LRMDA: variants seen among roughly 807,000 people sequenced by gnomAD.
LRMDA encodes the protein leucine-rich melanocyte differentiation-associated protein.
LRMDA carries 18 observed loss-of-function variants against 29.8 expected under a neutral mutation model. The observed-to-expected ratio is 0.60, with a 90% CI of 0.42 to 0.90. LRMDA has a LOEUF of 0.90. Among genes scored for constraint, LRMDA ranks in the 40% least tolerant of loss-of-function variants. The pLI is 0.00. For missense variants in LRMDA, 273 were observed against 273.9 expected (o/e 1.00, Z 0.02); for synonymous variants, 125 against 109.4 (o/e 1.14, Z -0.89).
chr10:75,803,185 C>T (rs1365129299), intron 2 of LRMDA, among the ~76,000 whole-genome samples: 2 of 152,138 alleles, frequency 1.3e-5, no homozygotes, highest in African/African-American at 4.8e-5. Flanking sequence ...AGCCCAGCCT[C>T]AGCCCCACAA....
chr10:76,444,289 T>A (rs1248179879), intron 6 of LRMDA, among the ~76,000 whole-genome samples: 1 of 152,106 alleles, frequency 6.6e-6, no homozygotes, highest in African/African-American at 2.4e-5. Context: ...CCACCCAGGC[T>A]CAGCCCAGCA....
intron 2 of LRMDA, among the ~76,000 whole-genome samples, chr10:75,733,560 A>C (rs1842724724): frequency 6.6e-6 from 1 of 152,158 alleles, no homozygotes; most frequent in Non-Finnish European, 1.5e-5. Flanking sequence ...CACAGAGCAA[A>C]CAAAAATGAG....
intron 2 of LRMDA, among the ~76,000 whole-genome samples, chr10:75,974,906 A>G (rs9415143): frequency 0.23 from 34,953 of 152,192 alleles, 4,541 homozygotes; most frequent in South Asian, 0.42. Context: ...AGCTGCTGAT[A>G]ATAATGATGC....
intron 2 of LRMDA, among the ~76,000 whole-genome samples, chr10:76,014,128 A>ATATATATATATAAAAAAT (rs1554840720): frequency 2.1e-5 from 2 of 94,886 alleles, no homozygotes; most frequent in South Asian, 3.6e-4. Flanking sequence ...ATATATAATT[A>ATATATATATATAAAAAAT]TATATATATA....
chr10:76,529,206 T>C (rs1182251924), intron 6 of LRMDA, among the ~76,000 whole-genome samples: 2 of 152,134 alleles, frequency 1.3e-5, no homozygotes, highest in African/African-American at 2.4e-5. Flanking sequence ...CTCTTTAAAA[T>C]AGGCATATTG....
chr10:75,871,811 A>G (rs4746337), intron 2 of LRMDA, among the ~76,000 whole-genome samples: 10,300 of 151,932 alleles, frequency 0.068, 734 homozygotes, highest in East Asian at 0.32. Context: ...ATCTTCCCCT[A>G]CTCACCTTTA....
intron 2 of LRMDA, among the ~76,000 whole-genome samples, chr10:75,474,061 A>G (rs1159046217): frequency 6.6e-6 from 1 of 152,186 alleles, no homozygotes; most frequent in Non-Finnish European, 1.5e-5. Flanking sequence ...ATTGCGTTCC[A>G]AGTAATATCA....
intron 2 of LRMDA, among the ~76,000 whole-genome samples, chr10:75,895,870 A>C (rs1845572559): frequency 6.6e-6 from 1 of 152,234 alleles, no homozygotes; most frequent in Non-Finnish European, 1.5e-5. Context: ...AAGTTGTATG[A>C]GAAATGAGTA....
chr10:76,012,198 T>TC (rs1039594369), intron 2 of LRMDA, among the ~76,000 whole-genome samples: 14 of 152,212 alleles, frequency 9.2e-5, no homozygotes, highest in Admixed American at 4.6e-4. Flanking sequence ...AAGCCCTTGG[T>TC]CTGCACTGGG....
chr10:76,069,601 CT>C (rs559273778), intron 5 of LRMDA, among the ~76,000 whole-genome samples: 4,549 of 140,840 alleles, frequency 0.032, 114 homozygotes, highest in African/African-American at 0.08. Flanking sequence ...CCAAAGCTGT[CT>C]TTTTTTTTTT....
At chr10:75,987,637 A>G (rs1847283691) in intron 2 of LRMDA, among the ~76,000 whole-genome samples, 1 of 152,130 alleles carries the variant, frequency 6.6e-6, no homozygotes, top group Non-Finnish European at 1.5e-5. Flanking sequence ...ACCCCACCCC[A>G]TCACCCTCTC....
At chr10:76,093,119 C>A (rs536839438) in intron 5 of LRMDA, among the ~76,000 whole-genome samples, 24 of 152,140 alleles carry the variant, frequency 1.6e-4, no homozygotes, top group Non-Finnish European at 4.4e-5. Flanking sequence ...TTCACTGCAA[C>A]CTCTGCCTCC....
At chr10:76,043,552 T>TAA (rs5786210) in intron 3 of LRMDA, among the ~76,000 whole-genome samples, 11 of 146,794 alleles carry the variant, frequency 7.5e-5, no homozygotes, top group African/African-American at 2.5e-4. Flanking sequence ...TTTTTCAAAT[T>TAA]AAAAAAAAAA....
chr10:76,493,616 A>G (rs1589214493), intron 6 of LRMDA, among the ~76,000 whole-genome samples: 1 of 152,082 alleles, frequency 6.6e-6, no homozygotes, highest in Admixed American at 6.6e-5. Context: ...CTTAATGCCA[A>G]TATCACATAG....
intron 6 of LRMDA, among the ~76,000 whole-genome samples, chr10:76,456,343 A>G (rs757025167): frequency 5.3e-5 from 8 of 152,146 alleles, no homozygotes; most frequent in Non-Finnish European, 1.0e-4. Flanking sequence ...AGCATGTTCA[A>G]TGTCTGCCAA....
chr10:75,995,748 C>A (rs946325618), intron 2 of LRMDA, among the ~76,000 whole-genome samples: 2 of 152,160 alleles, frequency 1.3e-5, no homozygotes, highest in Admixed American at 1.3e-4. Context: ...TATCCCGGAT[C>A]TACCTTCCTG....
At chr10:76,088,234 G>A (rs995850774) in intron 5 of LRMDA, among the ~76,000 whole-genome samples, 5 of 152,214 alleles carry the variant, frequency 3.3e-5, no homozygotes, top group Non-Finnish European at 7.3e-5. Context: ...CTGGGTGACA[G>A]TCATGGTCAC....
chr10:75,846,100 G>A (rs1489267777), intron 2 of LRMDA, among the ~76,000 whole-genome samples: 2 of 151,692 alleles, frequency 1.3e-5, no homozygotes, highest in Non-Finnish European at 2.9e-5. Flanking sequence ...AAAATGCTAG[G>A]TACCTCCTAA....
intron 2 of LRMDA, among the ~76,000 whole-genome samples, chr10:75,989,546 G>T (rs183789779): frequency 6.6e-6 from 1 of 152,278 alleles, no homozygotes; most frequent in East Asian, 1.9e-4. Flanking sequence ...CCAATGTTGG[G>T]GATCACAATT....
Sources: gnomAD v4.1 joint callset for allele counts (sites outside exome capture counted in the v4.1 genomes callset) on GRCh38, gnomAD v4.1.1 for gene constraint, MANE v1.5 for transcripts, NCBI Gene and HGNC (gene_info 2026-07-23, HGNC 2026-07-21) for gene names.